The following PTK2 variants were observed in gnomAD, a reference collection of about 807,000 sequenced individuals.
PTK2 encodes the protein protein tyrosine kinase 2.
A neutral mutation model predicts 150.1 loss-of-function variants in PTK2; 45 were observed. That is an observed-to-expected ratio of 0.30 (90% CI 0.24 to 0.38). The LOEUF is 0.38. PTK2 is among the 10% of genes least tolerant of loss of function. The pLI, the probability that PTK2 is intolerant of heterozygous loss-of-function variation, is 1.00. For missense variants in PTK2, 919 were observed against 1,307.3 expected (o/e 0.70, Z 4.58); for synonymous variants, 432 against 449.2 (o/e 0.96, Z 0.48).
chr8:140,975,226 T>C (rs1205946061), intron 1 of PTK2, among the ~76,000 whole-genome samples: 1 of 152,218 alleles, frequency 6.6e-6, no homozygotes, highest in Non-Finnish European at 1.5e-5. Flanking sequence ...TTTCCCCTTC[T>C]AATGTGGATT....
At chr8:140,735,647 T>A (rs991694407) in intron 21 of PTK2, among the ~76,000 whole-genome samples, 192 bp from the exon 25 acceptor site, 6 of 152,158 alleles carry the variant, frequency 3.9e-5, no homozygotes, top group African/African-American at 1.4e-4. Flanking sequence ...AATAATGAAA[T>A]GTTAAATTAT....
intron 12 of PTK2, 109 bp downstream of exon 12, chr8:140,800,350 G>T: frequency 2.3e-6 from 2 of 878,320 alleles, no homozygotes; most frequent in South Asian, 1.4e-5. Flanking sequence ...TTATTCATTT[G>T]GTCTTCATTT....
intron 10 of PTK2, among the ~76,000 whole-genome samples, chr8:140,808,044 T>C (rs572324129): frequency 9.2e-5 from 14 of 152,186 alleles, no homozygotes; most frequent in Non-Finnish European, 1.8e-4. Context: ...TGCAGTTAGA[T>C]AATCTGTCAA....
intron 1 of PTK2, among the ~76,000 whole-genome samples, chr8:140,930,807 C>G (rs899362514): frequency 6.6e-6 from 1 of 152,136 alleles, no homozygotes. Context: ...GGAGCAGTGA[C>G]TCACATCTGT....
intron 1 of PTK2, among the ~76,000 whole-genome samples, chr8:140,944,259 A>C (rs1315998335): frequency 6.6e-6 from 1 of 152,218 alleles, no homozygotes; most frequent in Non-Finnish European, 1.5e-5. Flanking sequence ...ATGATTAAGA[A>C]ATTTGCAAGG....
Position 140,820,102 on chromosome 8 carries a change from TTTTTTTTTTTTTTTTTA to T in PTK2, c.649-1099_649-1083del, listed in dbSNP as rs1423474189. Among the ~76,000 whole-genome samples, 86 of 88,808 alleles carry T rather than the reference TTTTTTTTTTTTTTTTTA, an allele frequency of 9.7e-4. 2 individuals carry two copies. The highest frequency in any genetic ancestry group is 5.2e-3 in the South Asian group (12 of 2,298). 58.3% of individuals were successfully genotyped at this position (88,808 alleles called of 152,430 possible). A position where few individuals can be genotyped will look rare whatever the true frequency, so the allele number is the denominator to read the frequency against. On this transcript the variant is annotated intron_variant, in intron 8 of 31. Transcript: ENST00000522684. ...TTTTTTTTTTTTTTTTTTTTTTTTT[TTTTTTTTTTTTTTTTTA>T]AATAGGGTCTCACTCTGTCGCCCAG...
chr8:140,743,418 T>C (rs745466559), intron 19 of PTK2, 88 bp from the exon 23 acceptor site: 233 of 924,854 alleles, frequency 2.5e-4, no homozygotes, highest in Admixed American at 8.4e-4. Context: ...AATAGGCACT[T>C]TGAAAGACAG....
chr8:140,782,340 G>T (rs1016973444), intron 14 of PTK2, among the ~76,000 whole-genome samples: 1 of 151,508 alleles, frequency 6.6e-6, no homozygotes, highest in Non-Finnish European at 1.5e-5. Flanking sequence ...CAAATCCCAG[G>T]GTCAAGAGAT....
chr8:140,792,202 G>A (rs2100088903), intron 13 of PTK2, among the ~76,000 whole-genome samples: 1 of 152,210 alleles, frequency 6.6e-6, no homozygotes, highest in Non-Finnish European at 1.5e-5. Flanking sequence ...TGCCTAAAAT[G>A]TTTGTACAAA....
chr8:140,872,056 A>C (rs2100142854), intron 4 of PTK2, among the ~76,000 whole-genome samples: 1 of 151,994 alleles, frequency 6.6e-6, no homozygotes. Context: ...AAATACAAAA[A>C]ATTAGCCAGG....
At chr8:140,735,593 T>C (rs1015534171) in intron 21 of PTK2, 138 bp from the exon 25 acceptor site, 12 of 682,966 alleles carry the variant, frequency 1.8e-5, no homozygotes, top group Non-Finnish European at 2.8e-5. Flanking sequence ...AGCAGCATTA[T>C]ATTAACTCTA....
chr8:140,935,089 G>C (rs1178745923), intron 1 of PTK2, among the ~76,000 whole-genome samples: 3 of 152,114 alleles, frequency 2.0e-5, no homozygotes, highest in East Asian at 1.9e-4. Context: ...TAGCTAATTA[G>C]AACTATGAGA....
intron 29 of PTK2, 94 bp from the exon 33 acceptor site, chr8:140,669,829 C>T: frequency 7.3e-7 from 1 of 1,370,772 alleles, no homozygotes; most frequent in Non-Finnish European, 1.0e-6. Context: ...AAGACAAATC[C>T]CCCATAAAAA....
intron 14 of PTK2, among the ~76,000 whole-genome samples, chr8:140,767,431 A>G (rs773320549): frequency 1.0e-4 from 12 of 117,462 alleles, no homozygotes; most frequent in Non-Finnish European, 2.0e-4. Context: ...GCAAAAGTTT[A>G]TAACCCTCTA....
At chr8:140,860,521 C>A (rs1324805777) in intron 5 of PTK2, among the ~76,000 whole-genome samples, 4 of 152,192 alleles carry the variant, frequency 2.6e-5, no homozygotes, top group African/African-American at 7.2e-5. Context: ...GTCGCCCAGG[C>A]TGGAGTGCAG....
intron 10 of PTK2, among the ~76,000 whole-genome samples, chr8:140,817,465 T>A (rs2100105425): frequency 6.6e-6 from 1 of 152,150 alleles, no homozygotes; most frequent in Non-Finnish European, 1.5e-5. Context: ...GGAAAAGAAA[T>A]GTTACTAGTG....
intron 4 of PTK2, among the ~76,000 whole-genome samples, chr8:140,876,793 C>T (rs2100145788): frequency 6.6e-6 from 1 of 152,074 alleles, no homozygotes; most frequent in South Asian, 2.1e-4. Context: ...TATGTCTAAT[C>T]TGCTATTTTA....
chr8:140,747,044 C>G, intron 17 of PTK2, 184 bp from the exon 21 acceptor site: 1 of 500,484 alleles, frequency 2.0e-6, no homozygotes, highest in Non-Finnish European at 3.6e-6. Context: ...GCGCCCACCA[C>G]CACGCCCGGC....
At chr8:140,692,713 T>C (rs780303505) in intron 26 of PTK2, among the ~76,000 whole-genome samples, 3 of 152,200 alleles carry the variant, frequency 2.0e-5, no homozygotes, top group Non-Finnish European at 4.4e-5. Context: ...AAACTTCAAA[T>C]TTAAGGTTTA....
Sources: allele counts gnomAD v4.1 joint callset (sites outside exome capture counted in the v4.1 genomes callset), GRCh38; gene constraint gnomAD v4.1.1; transcripts MANE v1.5; gene names NCBI Gene and HGNC (gene_info 2026-07-23, HGNC 2026-07-21).